Variants in SLC1A3 observed in about 807,000 individuals in gnomAD.
SLC1A3 encodes the protein solute carrier family 1 member 3.
In SLC1A3, 21 loss-of-function variants were observed where a neutral mutation model predicts 48.1. The ratio of observed to expected loss-of-function variants is 0.44; its 90% confidence interval spans 0.31 to 0.63. The LOEUF is 0.63. Ranked by LOEUF, SLC1A3 falls within the 20% of genes least tolerant of loss-of-function variation. SLC1A3 has a pLI of 0.08. For missense variants in SLC1A3, 546 were observed against 689.0 expected (o/e 0.79, Z 2.32); for synonymous variants, 239 against 251.4 (o/e 0.95, Z 0.47).
At chr5:36,684,168 G>A (rs769918897) in intron 9 of SLC1A3, among the ~76,000 whole-genome samples, 170 bp downstream of exon 9, 7 of 152,200 alleles carry the variant, frequency 4.6e-5, no homozygotes, top group East Asian at 1.9e-4. Flanking sequence ...TCTGGAGACC[G>A]AGCCCCAGAT....
At chr5:36,628,606 G>A (rs1263226604) in intron 2 of SLC1A3, among the ~76,000 whole-genome samples, 2 of 152,204 alleles carry the variant, frequency 1.3e-5, no homozygotes, top group Admixed American at 6.5e-5. Flanking sequence ...ATTAGGTAAA[G>A]GGGAGAGGGA....
intron 2 of SLC1A3, among the ~76,000 whole-genome samples, chr5:36,623,812 G>A (rs542254893): frequency 9.4e-4 from 141 of 149,968 alleles, no homozygotes; most frequent in African/African-American, 3.4e-3. Flanking sequence ...GCAGTGAGCC[G>A]AGATTGCGCC....
At chr5:36,599,697 C>T (rs765139442) in intron 1 of SLC1A3, among the ~76,000 whole-genome samples, 23 of 96,942 alleles carry the variant, frequency 2.4e-4, no homozygotes, top group African/African-American at 9.7e-4. Context: ...TTAGTAGAGA[C>T]GGAGTTCGCC....
At chr5:36,621,183 G>A (rs761926715) in intron 2 of SLC1A3, among the ~76,000 whole-genome samples, 1 of 152,186 alleles carries the variant, frequency 6.6e-6, no homozygotes, top group Non-Finnish European at 1.5e-5. Context: ...TGGAGTTACA[G>A]GCGTGAGCCA....
chr5:36,659,248 T>G (rs1402189278), intron 3 of SLC1A3, among the ~76,000 whole-genome samples: 1 of 152,152 alleles, frequency 6.6e-6, no homozygotes, highest in Admixed American at 6.5e-5. Context: ...AACCTCCCTG[T>G]TTCCTAATCC....
intron 2 of SLC1A3, chr5:36,612,747 T>C (rs1413978412): frequency 2.2e-6 from 1 of 455,518 alleles, no homozygotes; most frequent in Non-Finnish European, 4.4e-6. Context: ...ATTGTACAGA[T>C]GAAAAAACTG....
At chr5:36,632,976 T>C (rs1740196091) in intron 3 of SLC1A3, among the ~76,000 whole-genome samples, 1 of 152,180 alleles carries the variant, frequency 6.6e-6, no homozygotes, top group Admixed American at 6.5e-5. Context: ...AGATTTGTAC[T>C]CAAGTACCTA....
intron 8 of SLC1A3, among the ~76,000 whole-genome samples, 198 bp downstream of exon 8, chr5:36,680,787 C>T (rs1339015996): frequency 1.3e-5 from 2 of 151,994 alleles, no homozygotes; most frequent in South Asian, 2.1e-4. Flanking sequence ...CCTGGTGGCA[C>T]GGGCCTGTGG....
intron 3 of SLC1A3, among the ~76,000 whole-genome samples, chr5:36,659,567 G>T (rs190623557): frequency 1.3e-5 from 2 of 152,174 alleles, no homozygotes; most frequent in African/African-American, 2.4e-5. Flanking sequence ...GCTGATAAGT[G>T]GGGGGAGCCA....
At chr5:36,635,237 A>G (rs996502845) in intron 3 of SLC1A3, among the ~76,000 whole-genome samples, 5 of 151,734 alleles carry the variant, frequency 3.3e-5, no homozygotes, top group South Asian at 4.2e-4. Context: ...TTCATTCTCT[A>G]TAAAATGTAA....
Position 36,679,835 on chromosome 5 carries a change from A to G in SLC1A3, c.1069A>G (p.Ile357Val), listed in dbSNP as rs532925070. ...TATTGGAGGGTTGCTGCAAGCACTCATCACCGCTCTGGGGACCTCTTCAAG... is the reference window on the plus strand; with the variant it reads ...TATTGGAGGGTTGCTGCAAGCACTCGTCACCGCTCTGGGGACCTCTTCAAG... The part of the protein sequence containing the change: ...VFIGGLLQAL[I>V]TALGTSSSSA... Residue 357 changes from isoleucine (I) to valine (V), a missense_variant, in exon 7 of 10, where the codon ATC becomes GTC. Physicochemically the swap from Ile to Val is conservative, Grantham distance 29. Transcript: ENST00000265113. 33 of 1,613,972 alleles carry G rather than the reference A, an allele frequency of 2.0e-5. No homozygotes were observed. The highest frequency in any genetic ancestry group is 1.1e-4 in the African/African-American group (8 of 75,058).
chr5:36,659,705 A>T (rs1031011893), intron 3 of SLC1A3, among the ~76,000 whole-genome samples: 9 of 152,146 alleles, frequency 5.9e-5, no homozygotes, highest in Non-Finnish European at 7.4e-5. Context: ...GATGTGTTTT[A>T]TTTGTTTAGG....
intron 3 of SLC1A3, among the ~76,000 whole-genome samples, chr5:36,636,593 CT>C (rs1740396838): frequency 8.9e-6 from 1 of 112,526 alleles, no homozygotes; most frequent in Non-Finnish European, 1.8e-5. Context: ...TTCTTCCTTT[CT>C]TCTTTCTTTT....
intron 2 of SLC1A3, among the ~76,000 whole-genome samples, chr5:36,616,413 A>T (rs753579497): frequency 8.5e-5 from 13 of 152,200 alleles, no homozygotes; most frequent in Non-Finnish European, 1.5e-4. Flanking sequence ...TTCCCTTTGT[A>T]TAACTTATCA....
chr5:36,685,537 A>G (rs1307829796), intron 9 of SLC1A3, among the ~76,000 whole-genome samples: 1 of 152,194 alleles, frequency 6.6e-6, no homozygotes, highest in African/African-American at 2.4e-5. Flanking sequence ...TGGCCTCCCA[A>G]AGTGCTGAGA....
chr5:36,653,222 C>T (rs995937064), intron 3 of SLC1A3, among the ~76,000 whole-genome samples: 11 of 152,230 alleles, frequency 7.2e-5, no homozygotes, highest in Non-Finnish European at 1.5e-5. Flanking sequence ...TTCACGTTCC[C>T]TCCCCAAGGA....
chr5:36,611,344 C>T (rs1579943786), intron 2 of SLC1A3, among the ~76,000 whole-genome samples: 1 of 117,364 alleles, frequency 8.5e-6, no homozygotes, highest in African/African-American at 3.2e-5. Context: ...TTTGTTTAGA[C>T]TGTTTTTTTT....
intron 2 of SLC1A3, among the ~76,000 whole-genome samples, chr5:36,614,232 T>C (rs1351662540): frequency 2.6e-5 from 4 of 152,208 alleles, no homozygotes; most frequent in East Asian, 1.9e-4. Context: ...TCCATAGACA[T>C]TGTAAACCCC....
At chr5:36,664,215 C>A (rs1302949852) in intron 3 of SLC1A3, among the ~76,000 whole-genome samples, 1 of 152,190 alleles carries the variant, frequency 6.6e-6, no homozygotes, top group Non-Finnish European at 1.5e-5. Context: ...CTCACTGCAA[C>A]CTCTGCCTCC....
Sources: allele counts gnomAD v4.1 joint callset (sites outside exome capture counted in the v4.1 genomes callset), GRCh38; gene constraint gnomAD v4.1.1; transcripts MANE v1.5; gene names NCBI Gene and HGNC (gene_info 2026-07-23, HGNC 2026-07-21).